The following FHIP1A variants were observed in gnomAD, a reference collection of about 807,000 sequenced individuals.
The protein encoded by FHIP1A is FHF complex subunit HOOK interacting protein 1A.
A neutral mutation model predicts 88.6 loss-of-function variants in FHIP1A; 61 were observed. That is an observed-to-expected ratio of 0.69 (90% CI 0.56 to 0.85). FHIP1A has a LOEUF of 0.85. FHIP1A is among the 40% of genes least tolerant of loss of function. FHIP1A has a pLI of 0.00. For synonymous variants in FHIP1A, 478 were observed against 496.0 expected, an observed-to-expected ratio of 0.96 and a Z score of 0.48; for missense variants, 1,154 against 1,273.5, an observed-to-expected ratio of 0.91 and a Z score of 1.43.
chr4:151,428,640 A>G (rs1444430301), intron 1 of FHIP1A, among the ~76,000 whole-genome samples: 2 of 152,210 alleles, frequency 1.3e-5, no homozygotes, highest in East Asian at 1.9e-4. Context: ...AATCACTGTA[A>G]GGGTAAATAA....
At chr4:151,661,851 GA>G (rs1441294745) in intron 13 of FHIP1A, among the ~76,000 whole-genome samples, 2 of 152,196 alleles carry the variant, frequency 1.3e-5, no homozygotes, top group African/African-American at 2.4e-5. Context: ...ATGGTTGCAG[GA>G]AGTTCTTAAT....
intron 3 of FHIP1A, among the ~76,000 whole-genome samples, chr4:151,554,848 A>C (rs1732883437): frequency 6.6e-6 from 1 of 152,156 alleles, no homozygotes; most frequent in African/African-American, 2.4e-5. Context: ...ATTAGACTGA[A>C]TATATATGAT....
In FHIP1A at chr4:151,664,561, G is replaced by A. The variant is rs1333837621; in HGVS notation, c.*1807G>A. On this transcript the variant is annotated 3_prime_UTR_variant, in exon 14 of 14. Transcript: ENST00000435205. ...CTCAGCTGTGGTGCAGCAGCCAGAAGGGATGAAGCACAGCAGACTGGTCTG... is the reference window on the plus strand; with the variant it reads ...CTCAGCTGTGGTGCAGCAGCCAGAAAGGATGAAGCACAGCAGACTGGTCTG... Among the ~76,000 whole-genome samples, 2 of 152,222 alleles carry A rather than the reference G, an allele frequency of 1.3e-5. No individual in the cohort carries two copies. Among genetic ancestry groups the A allele is most frequent in the African/African-American group, 4.8e-5 (2 of 41,472 alleles).
At chr4:151,617,810 C>T (rs747107547) in intron 7 of FHIP1A, among the ~76,000 whole-genome samples, 3 of 152,102 alleles carry the variant, frequency 2.0e-5, no homozygotes, top group Admixed American at 6.5e-5. Context: ...CACTTGAAAC[C>T]GGGAGGTGGA....
At chr4:151,578,755 A>G (rs980933645) in intron 5 of FHIP1A, among the ~76,000 whole-genome samples, 1 of 152,188 alleles carries the variant, frequency 6.6e-6, no homozygotes, top group African/African-American at 2.4e-5. Flanking sequence ...ATATTTACCT[A>G]AAGGTGTTGA....
At chr4:151,487,782 T>G (rs544111872) in intron 3 of FHIP1A, among the ~76,000 whole-genome samples, 2 of 152,308 alleles carry the variant, frequency 1.3e-5, no homozygotes, top group Admixed American at 6.5e-5. Flanking sequence ...ACATAGAGTT[T>G]AAGAAATTAT....
intron 3 of FHIP1A, among the ~76,000 whole-genome samples, chr4:151,511,887 C>T (rs1359632531): frequency 6.6e-6 from 1 of 152,248 alleles, no homozygotes; most frequent in Non-Finnish European, 1.5e-5. Flanking sequence ...ACAGCAGTAA[C>T]CTCTGCAGGC....
chr4:151,489,727 G>A (rs1028500870), intron 3 of FHIP1A, among the ~76,000 whole-genome samples: 1 of 152,146 alleles, frequency 6.6e-6, no homozygotes, highest in Non-Finnish European at 1.5e-5. Context: ...CCTGTAGGGT[G>A]CAGCAGAGGC....
chr4:151,471,157 G>A (rs1729495989), intron 2 of FHIP1A, among the ~76,000 whole-genome samples: 1 of 152,050 alleles, frequency 6.6e-6, no homozygotes, highest in South Asian at 2.1e-4. Context: ...CAACCTGTGT[G>A]GTGGTCTTTA....
intron 5 of FHIP1A, among the ~76,000 whole-genome samples, chr4:151,583,641 C>T (rs553651335): frequency 6.6e-6 from 1 of 152,306 alleles, no homozygotes; most frequent in Non-Finnish European, 1.5e-5. Context: ...AATTCATCCT[C>T]AGAGCCTCAA....
chr4:151,419,376 GA>G (rs2126517286), intron 1 of FHIP1A, among the ~76,000 whole-genome samples: 1 of 152,254 alleles, frequency 6.6e-6, no homozygotes, highest in South Asian at 2.1e-4. Context: ...GCTGACTGCA[GA>G]TCTTGAGACT....
At chr4:151,449,620 AGAACTT>A (rs765322457) in intron 1 of FHIP1A, among the ~76,000 whole-genome samples, 2 of 152,132 alleles carry the variant, frequency 1.3e-5, no homozygotes, top group Non-Finnish European at 2.9e-5. Context: ...AATAGAACAC[AGAACTT>A]ATTCCTCCTG....
In FHIP1A at chr4:151,656,147, A is replaced by T. The variant is rs1250965511; in HGVS notation, c.2552-85A>T. On this transcript the variant is annotated intron_variant, in intron 11 of 13. Transcript: ENST00000435205. This position sits in a 1 kb window ranked among gnomAD's most constrained non-coding sequence, Gnocchi z 4.2. ...CTGTGGGCCCATGGTGGTTTGGGAG[A>T]TGTGGCACCGATGGTTCTGCAATTG... 2.8e-6 allele frequency: 3 copies of T among 1,090,474 alleles called. No individual in the cohort carries two copies. Among genetic ancestry groups the T allele is most frequent in the Non-Finnish European group, 4.0e-6 (3 of 750,546 alleles). 67.5% of individuals were successfully genotyped at this position (1,090,474 alleles called of 1,614,324 possible). A position where few individuals can be genotyped will look rare whatever the true frequency, so the allele number is the denominator to read the frequency against.
chr4:151,577,743 G>T lies in FHIP1A; in HGVS notation c.399G>T (p.Leu133=). 1.3e-6 allele frequency: 2 copies of T among 1,551,830 alleles called. No individual in the cohort carries two copies. The highest frequency in any genetic ancestry group is 1.7e-6 in the Non-Finnish European group (2 of 1,147,024). The part of the protein sequence containing the change: ...EMLVTQSHQP[L]LHHKPILKPL... ...TGGTCACCCAGTCGCACCAGCCTCT[G>T]CTGCACCACAAACCCATTCTGAAGC... Residue 133 remains leucine (L), a synonymous_variant, in exon 5 of 14, where the codon CTG becomes CTT. Coordinates refer to ENST00000435205, the MANE Select transcript of FHIP1A (RefSeq NM_001109977.3).
At chr4:151,414,838 TGA>T (rs1732823189) in intron 1 of FHIP1A, among the ~76,000 whole-genome samples, 1 of 152,196 alleles carries the variant, frequency 6.6e-6, no homozygotes. Flanking sequence ...CTAACTTAAA[TGA>T]GAGTTAATTT....
In FHIP1A at chr4:151,409,232, C is replaced by T. The variant is rs1328725475; in HGVS notation, c.-589C>T. ...GCACCTTCGAAAAGTTGCGCTCCGACCTTCTCACGACCTACATTCTTCCCG... is the reference window on the plus strand; with the variant it reads ...GCACCTTCGAAAAGTTGCGCTCCGATCTTCTCACGACCTACATTCTTCCCG... On this transcript the variant is annotated 5_prime_UTR_variant, in exon 1 of 14. Coordinates refer to ENST00000435205, the MANE Select transcript of FHIP1A (RefSeq NM_001109977.3). The T allele has an allele frequency of 6.6e-6, 1 of 152,018 alleles. No individual in the cohort carries two copies. The highest frequency in any genetic ancestry group is 1.5e-5 in the Non-Finnish European group (1 of 68,040). The allele number at this position is 152,018 out of a possible 1,614,324, so 9.4% of individuals were successfully genotyped here.
chr4:151,465,369 G>A (rs1289012420), intron 2 of FHIP1A, among the ~76,000 whole-genome samples: 1 of 152,110 alleles, frequency 6.6e-6, no homozygotes, highest in Non-Finnish European at 1.5e-5. Context: ...CTGAAATTGA[G>A]GCAGTAATTA....
chr4:151,451,565 C>G (rs1406215687), intron 1 of FHIP1A, among the ~76,000 whole-genome samples: 1 of 152,068 alleles, frequency 6.6e-6, no homozygotes, highest in Non-Finnish European at 1.5e-5. Flanking sequence ...TCCCCCATAT[C>G]TTTGTGTATT....
At chr4:151,510,780 A>G (rs547854901) in intron 3 of FHIP1A, among the ~76,000 whole-genome samples, 1 of 152,352 alleles carries the variant, frequency 6.6e-6, no homozygotes, top group African/African-American at 2.4e-5. Context: ...CTAGTGATCA[A>G]ATTTCAGCTA....
Sources: allele counts gnomAD v4.1 joint callset (sites outside exome capture counted in the v4.1 genomes callset), GRCh38; gene constraint gnomAD v4.1.1; non-coding constraint Gnocchi (gnomAD v3.1); transcripts MANE v1.5; gene names NCBI Gene and HGNC (gene_info 2026-07-23, HGNC 2026-07-21).